Variants in STAU2 observed in about 807,000 individuals in gnomAD.
STAU2 encodes the protein double-stranded RNA-binding protein Staufen homolog 2.
In STAU2, 20 loss-of-function variants were observed where a neutral mutation model predicts 65.9. That is an observed-to-expected ratio of 0.30 (90% confidence interval 0.21 to 0.44). STAU2 has a LOEUF of 0.44. STAU2 is among the 20% of genes least tolerant of loss of function. The probability of loss-of-function intolerance (pLI) is 1.00; values close to 1 mark genes in which losing one functional copy is unlikely to be tolerated. For synonymous variants in STAU2, 232 were observed against 233.9 expected (o/e 0.99, Z 0.07); for missense variants, 558 against 683.9 (o/e 0.82, Z 2.05).
intron 12 of STAU2, among the ~76,000 whole-genome samples, chr8:73,563,552 A>G (rs1249070082): frequency 6.6e-6 from 1 of 152,208 alleles, no homozygotes; most frequent in African/African-American, 2.4e-5. Context: ...TAGTTGTGAT[A>G]TTGTACTATA....
chr8:73,747,445 CG>C, upstream of STAU2: 1 of 1,534,790 alleles, frequency 6.5e-7, no homozygotes, highest in Non-Finnish European at 8.7e-7. Context: ...GACCATCCCG[CG>C]TCTGCTCCGG....
intron 12 of STAU2, among the ~76,000 whole-genome samples, chr8:73,567,519 T>G (rs116426355): frequency 6.7e-6 from 1 of 148,904 alleles, no homozygotes; most frequent in Non-Finnish European, 1.5e-5. Flanking sequence ...ATTAAAAAAA[T>G]TGATTTTTTT....
At chr8:73,708,885 T>G in intron 4 of STAU2, 147 bp downstream of exon 4, 1 of 644,256 alleles carries the variant, frequency 1.6e-6, no homozygotes, top group Non-Finnish European at 2.3e-6. Flanking sequence ...TTTAGTTACA[T>G]ACTTTGAAAT....
chr8:73,582,335 T>TA (rs1308688276), intron 12 of STAU2, among the ~76,000 whole-genome samples: 1 of 151,690 alleles, frequency 6.6e-6, no homozygotes, highest in African/African-American at 2.4e-5. Context: ...ATATCATAAT[T>TA]ATATAAAAAT....
intron 9 of STAU2, among the ~76,000 whole-genome samples, chr8:73,610,273 TAA>T (rs551711660): frequency 7.4e-6 from 1 of 134,286 alleles, no homozygotes. Flanking sequence ...AGACCCTGTT[TAA>T]AAAAAAAAAA....
intron 13 of STAU2, among the ~76,000 whole-genome samples, chr8:73,448,171 A>G (rs1818579458): frequency 6.6e-6 from 1 of 152,230 alleles, no homozygotes; most frequent in African/African-American, 2.4e-5. Flanking sequence ...GCAGGTACCC[A>G]TGAGTGTTAA....
intron 6 of STAU2, 53 bp from the exon 7 acceptor site, chr8:73,617,504 AT>A (rs1261434312): frequency 6.6e-7 from 1 of 1,511,390 alleles, no homozygotes; most frequent in African/African-American, 1.4e-5. Context: ...CCACTCTATA[AT>A]CATTCATAAG....
At chr8:73,571,511 A>T (rs1809086827) in intron 12 of STAU2, among the ~76,000 whole-genome samples, 1 of 152,220 alleles carries the variant, frequency 6.6e-6, no homozygotes, top group Non-Finnish European at 1.5e-5. Flanking sequence ...AGCACTCCTC[A>T]GCAAATGTAA....
intron 13 of STAU2, among the ~76,000 whole-genome samples, chr8:73,504,979 A>C (rs1821980877): frequency 6.6e-6 from 1 of 152,184 alleles, no homozygotes; most frequent in Non-Finnish European, 1.5e-5. Context: ...AGTATCTCAC[A>C]AGATCTATCT....
intron 3 of STAU2, among the ~76,000 whole-genome samples, chr8:73,716,852 C>T (rs1191263751): frequency 2.6e-5 from 4 of 152,110 alleles, no homozygotes; most frequent in Admixed American, 2.6e-4. Flanking sequence ...GCCTGTAATC[C>T]CAGTACTTTG....
intron 6 of STAU2, among the ~76,000 whole-genome samples, chr8:73,631,765 GC>G (rs1814104363): frequency 2.0e-5 from 3 of 152,132 alleles, no homozygotes; most frequent in Admixed American, 2.0e-4. Context: ...TGTAACTGAA[GC>G]CAAGAAAAAG....
At chr8:73,604,441 C>T (rs1811866556) in intron 9 of STAU2, among the ~76,000 whole-genome samples, 1 of 151,950 alleles carries the variant, frequency 6.6e-6, no homozygotes, top group African/African-American at 2.4e-5. Flanking sequence ...TGTTGGCCAA[C>T]CTGATCTTGA....
At chr8:73,729,744 TTC>T (rs1221673614) in intron 3 of STAU2, among the ~76,000 whole-genome samples, 5 of 152,180 alleles carry the variant, frequency 3.3e-5, no homozygotes, top group African/African-American at 1.2e-4. Context: ...CTGTTATATT[TTC>T]TGTTTCTTCT....
At chr8:73,721,762 C>A (rs1032231446) in intron 3 of STAU2, among the ~76,000 whole-genome samples, 3 of 152,118 alleles carry the variant, frequency 2.0e-5, no homozygotes, top group African/African-American at 4.8e-5. Context: ...TATATCTTTT[C>A]CCATTCTTTC....
intron 6 of STAU2, chr8:73,653,067 G>C (rs1816029967): frequency 6.6e-6 from 1 of 152,110 alleles, no homozygotes; most frequent in African/African-American, 2.4e-5. Context: ...AATAGCAATT[G>C]AAAAGCATCA....
intron 6 of STAU2, among the ~76,000 whole-genome samples, chr8:73,628,080 GT>G (rs11373925): frequency 2.3e-4 from 34 of 147,148 alleles, no homozygotes; most frequent in African/African-American, 3.7e-4. Flanking sequence ...TAAAATGTAA[GT>G]TTTTTTTTTT....
intron 6 of STAU2, among the ~76,000 whole-genome samples, chr8:73,621,587 A>G (rs1813239713): frequency 1.3e-5 from 2 of 152,164 alleles, no homozygotes; most frequent in Admixed American, 1.3e-4. Context: ...CCCCATAATG[A>G]TTACTGTTAA....
intron 13 of STAU2, among the ~76,000 whole-genome samples, chr8:73,495,407 G>A (rs1328782990): frequency 2.0e-5 from 3 of 151,306 alleles, no homozygotes; most frequent in Non-Finnish European, 4.4e-5. Context: ...TAGTCAAAAT[G>A]TTAAAGGCAG....
chr8:73,725,916 T>A (rs1175613495), intron 3 of STAU2, among the ~76,000 whole-genome samples: 3 of 152,092 alleles, frequency 2.0e-5, no homozygotes, highest in African/African-American at 7.2e-5. Flanking sequence ...CTGGGAAACC[T>A]GTCTCAAGAC....
Sources: gnomAD v4.1 joint callset for allele counts (sites outside exome capture counted in the v4.1 genomes callset) on GRCh38, gnomAD v4.1.1 for gene constraint, MANE v1.5 for transcripts, NCBI Gene and HGNC (gene_info 2026-07-23, HGNC 2026-07-21) for gene names.